KCNQ5: variants seen among roughly 807,000 people sequenced by gnomAD.
KCNQ5 encodes the protein potassium voltage-gated channel subfamily KQT member 5.
KCNQ5 carries 30 observed loss-of-function variants against 98.2 expected under a neutral mutation model. The ratio of observed to expected loss-of-function variants is 0.31; its 90% CI spans 0.23 to 0.41. The LOEUF is 0.41. Ranked by LOEUF, KCNQ5 falls within the 10% of genes least tolerant of loss-of-function variation. KCNQ5 has a pLI of 1.00. For synonymous variants in KCNQ5, 458 were observed against 449.4 expected (o/e 1.02, Z -0.24); for missense variants, 835 against 1,182.5 (o/e 0.71, Z 4.31).
At chr6:72,749,503 T>G (rs1771570155) in intron 1 of KCNQ5, among the ~76,000 whole-genome samples, 2 of 152,132 alleles carry the variant, frequency 1.3e-5, no homozygotes, top group South Asian at 4.1e-4. Context: ...TAATACCTGC[T>G]GTTAAATGTT....
chr6:72,988,610 C>G (rs1768933518), intron 1 of KCNQ5, among the ~76,000 whole-genome samples: 1 of 148,116 alleles, frequency 6.8e-6, no homozygotes. Flanking sequence ...TGTACCCCCT[C>G]TATCTAAAAT....
chr6:73,041,431 C>T lies in KCNQ5; in HGVS notation c.490-505C>T, dbSNP rs1045930094. ...ACTGTTTTATAAGGAGATTTTGACA[C>T]TGTAACGAAAGAATTCAGTATACTT... On this transcript the variant is annotated intron_variant, in intron 2 of 13. Transcript: ENST00000370398. 2.0e-5 allele frequency among the ~76,000 whole-genome samples: 3 copies of T among 152,310 alleles called. 1 individual carries two copies.
chr6:73,054,554 A>C (rs756412644), intron 3 of KCNQ5, among the ~76,000 whole-genome samples: 1 of 152,244 alleles, frequency 6.6e-6, no homozygotes, highest in Non-Finnish European at 1.5e-5. Flanking sequence ...CAAATGAATA[A>C]ATGTGATTCA....
At chr6:72,775,126 G>A (rs796837320) in intron 1 of KCNQ5, among the ~76,000 whole-genome samples, 14 of 152,284 alleles carry the variant, frequency 9.2e-5, no homozygotes, top group African/African-American at 3.1e-4. Context: ...GCATACAGCA[G>A]TGGGAATGAC....
intron 1 of KCNQ5, among the ~76,000 whole-genome samples, chr6:72,816,805 C>A (rs186702174): frequency 7.9e-5 from 12 of 152,254 alleles, no homozygotes. Context: ...TTTCCATTCC[C>A]ATTGTCTTAG....
intron 1 of KCNQ5, among the ~76,000 whole-genome samples, chr6:72,785,934 C>T (rs1321478210): frequency 6.6e-6 from 1 of 151,946 alleles, no homozygotes; most frequent in Non-Finnish European, 1.5e-5. Flanking sequence ...ACAGTTCAAC[C>T]TCTGCTGTCT....
At chr6:72,706,716 T>C (rs1166064710) in intron 1 of KCNQ5, among the ~76,000 whole-genome samples, 1 of 152,234 alleles carries the variant, frequency 6.6e-6, no homozygotes, top group African/African-American at 2.4e-5. Context: ...CTTCTACATA[T>C]CTGAATGAAA....
chr6:72,798,332 A>G (rs1423365228), intron 1 of KCNQ5, among the ~76,000 whole-genome samples: 1 of 152,150 alleles, frequency 6.6e-6, no homozygotes, highest in African/African-American at 2.4e-5. Context: ...TTAATCCCCA[A>G]CGCAACAATG....
chr6:72,908,130 C>T (rs1000093709), intron 1 of KCNQ5, among the ~76,000 whole-genome samples: 1 of 151,870 alleles, frequency 6.6e-6, no homozygotes, highest in African/African-American at 2.4e-5. Flanking sequence ...TGACATATAC[C>T]TTGAAAATTT....
intron 1 of KCNQ5, among the ~76,000 whole-genome samples, chr6:72,902,596 G>A (rs1362583282): frequency 6.6e-6 from 1 of 152,184 alleles, no homozygotes; most frequent in African/African-American, 2.4e-5. Context: ...CTATTGAGAT[G>A]ATCATGTGAT....
At chr6:72,636,040 G>A (rs1403881372) in intron 1 of KCNQ5, among the ~76,000 whole-genome samples, 2 of 151,920 alleles carry the variant, frequency 1.3e-5, no homozygotes, top group South Asian at 4.1e-4. Context: ...TGAAATTTGG[G>A]AATAGTCAGA....
intron 1 of KCNQ5, among the ~76,000 whole-genome samples, chr6:72,777,919 C>T (rs938132932): frequency 5.9e-5 from 9 of 152,050 alleles, no homozygotes; most frequent in Non-Finnish European, 1.2e-4. Flanking sequence ...ATCAGTTCAC[C>T]GTTAAAAAAG....
intron 5 of KCNQ5, among the ~76,000 whole-genome samples, chr6:73,098,160 AG>A (rs751584027): frequency 6.6e-6 from 1 of 152,178 alleles, no homozygotes; most frequent in Non-Finnish European, 1.5e-5. Context: ...GTCCCTTAAT[AG>A]CAGAATTGAT....
intron 1 of KCNQ5, among the ~76,000 whole-genome samples, chr6:72,802,245 G>A (rs974294061): frequency 2.0e-5 from 3 of 151,892 alleles, no homozygotes; most frequent in South Asian, 2.1e-4. Flanking sequence ...TCCATTCTCC[G>A]CATCACTTTC....
At chr6:72,889,839 A>G (rs1581963757) in intron 1 of KCNQ5, among the ~76,000 whole-genome samples, 1 of 152,348 alleles carries the variant, frequency 6.6e-6, no homozygotes. Flanking sequence ...TACATCCACT[A>G]TGTATCAATA....
chr6:72,963,654 TTTTA>T lies in KCNQ5; in HGVS notation c.399-40231_399-40228del, dbSNP rs144818469. The stretch of plus-strand genomic sequence containing the variant: ...CTATAGCTATTAATCACAGCTTTTA[TTTTA>T]TTTATTTATTTATTTATTTATTGAG... On this transcript the variant is annotated intron_variant, in intron 1 of 13. Transcript: ENST00000370398. Among the ~76,000 whole-genome samples, 12 of 152,046 alleles carry T rather than the reference TTTTA, an allele frequency of 7.9e-5. No homozygotes were observed. In the East Asian group the frequency reaches 2.1e-3, roughly 27 times the overall value.
At chr6:72,717,199 C>A (rs1473430782) in intron 1 of KCNQ5, among the ~76,000 whole-genome samples, 3 of 152,156 alleles carry the variant, frequency 2.0e-5, no homozygotes, top group African/African-American at 7.2e-5. Context: ...ATGTCTAACA[C>A]CTAGTCTTCT....
intron 1 of KCNQ5, among the ~76,000 whole-genome samples, chr6:72,853,103 A>G (rs949040221): frequency 6.6e-6 from 1 of 152,200 alleles, no homozygotes; most frequent in Non-Finnish European, 1.5e-5. Flanking sequence ...TCTTAGGTAA[A>G]TAATTATGTT....
chr6:72,645,256 G>A (rs1292071347), intron 1 of KCNQ5, among the ~76,000 whole-genome samples: 1 of 150,826 alleles, frequency 6.6e-6, no homozygotes, highest in African/African-American at 2.4e-5. Context: ...TATGGTGGGT[G>A]CATGCCCTAG....
Sources: gnomAD v4.1 joint callset for allele counts (sites outside exome capture counted in the v4.1 genomes callset) on GRCh38, gnomAD v4.1.1 for gene constraint, MANE v1.5 for transcripts, NCBI Gene and HGNC (gene_info 2026-07-23, HGNC 2026-07-21) for gene names.